BAALC: variants seen among roughly 807,000 people sequenced by gnomAD.
The protein encoded by BAALC is brain and acute leukemia cytoplasmic protein.
BAALC carries 9 observed loss-of-function variants against 15.5 expected under a neutral mutation model. The observed-to-expected ratio is 0.58, with a 90% CI of 0.35 to 1.02. The LOEUF is 1.02. BAALC is among the 50% of genes least tolerant of loss of function. BAALC has a pLI of 0.02. For synonymous variants in BAALC, 80 were observed against 74.6 expected, an observed-to-expected ratio of 1.07 and a Z score of -0.37; for missense variants, 201 against 192.4, an observed-to-expected ratio of 1.04 and a Z score of -0.27.
intron 1 of BAALC, among the ~76,000 whole-genome samples, chr8:103,195,854 T>TG: frequency 6.6e-6 from 1 of 152,304 alleles, no homozygotes; most frequent in East Asian, 1.9e-4. Context: ...AACCCAGGCA[T>TG]GGAGCTCCCA....
intron 1 of BAALC, among the ~76,000 whole-genome samples, chr8:103,188,558 G>C (rs1005287120): frequency 6.6e-6 from 1 of 152,166 alleles, no homozygotes; most frequent in Non-Finnish European, 1.5e-5. Context: ...AATAAGAAAG[G>C]GTTGATAATT....
chr8:103,227,898 A>G, intron 2 of BAALC, 91 bp from the exon 3 acceptor site: 1 of 849,884 alleles, frequency 1.2e-6, no homozygotes, highest in Non-Finnish European at 1.9e-6. Flanking sequence ...ACTATGGCAC[A>G]ATAAACCTCT....
chr8:103,160,240 C>A (rs1214252606), intron 1 of BAALC, among the ~76,000 whole-genome samples: 10 of 152,210 alleles, frequency 6.6e-5, no homozygotes, highest in African/African-American at 2.4e-4. Flanking sequence ...AGAGCAGGCC[C>A]AAGCATAGGG....
chr8:103,201,325 G>T (rs932948738), intron 1 of BAALC, among the ~76,000 whole-genome samples: 8 of 152,100 alleles, frequency 5.3e-5, no homozygotes, highest in Non-Finnish European at 1.2e-4. Context: ...TGCAACCCCT[G>T]GGACTTTGTT....
At chr8:103,224,596 CA>C (rs1158661509) in intron 2 of BAALC, among the ~76,000 whole-genome samples, 1 of 151,992 alleles carries the variant, frequency 6.6e-6, no homozygotes, top group African/African-American at 2.4e-5. Context: ...CAGCCGACTT[CA>C]GGGAGAGCAG....
intron 1 of BAALC, among the ~76,000 whole-genome samples, chr8:103,146,108 C>T (rs1810873589): frequency 6.6e-6 from 1 of 152,164 alleles, no homozygotes; most frequent in Admixed American, 6.5e-5. Flanking sequence ...TAAAAGTGGA[C>T]ACCGTTCAGG....
intron 1 of BAALC, among the ~76,000 whole-genome samples, chr8:103,144,578 G>A (rs1810842698): frequency 6.6e-6 from 1 of 152,140 alleles, no homozygotes; most frequent in African/African-American, 2.4e-5. Context: ...ACCCAACCTA[G>A]CTCAGTCATT....
intron 1 of BAALC, among the ~76,000 whole-genome samples, chr8:103,209,762 G>C (rs1172604151): frequency 6.6e-6 from 1 of 152,204 alleles, no homozygotes; most frequent in Non-Finnish European, 1.5e-5. Flanking sequence ...TTTGCACCCT[G>C]CTCAATCAGT....
At chr8:103,224,628 TGAC>T (rs1163381586) in intron 2 of BAALC, among the ~76,000 whole-genome samples, 1 of 151,976 alleles carries the variant, frequency 6.6e-6, no homozygotes, top group Non-Finnish European at 1.5e-5. Flanking sequence ...GTTTCTTATC[TGAC>T]CTAAAAGGGC....
chr8:103,169,546 A>T (rs1457690777), intron 1 of BAALC, among the ~76,000 whole-genome samples: 1 of 152,136 alleles, frequency 6.6e-6, no homozygotes, highest in Non-Finnish European at 1.5e-5. Context: ...TCTTCACTAT[A>T]GAGTATCTGG....
At chr8:103,227,959 T>G in intron 2 of BAALC, 30 bp from the exon 3 acceptor site, 1 of 1,483,070 alleles carries the variant, frequency 6.7e-7, no homozygotes, top group African/African-American at 1.4e-5. Context: ...CATTTCCTAG[T>G]AACTCAATTC....
At chr8:103,220,703 T>C (rs1309907961) in intron 2 of BAALC, among the ~76,000 whole-genome samples, 1 of 152,244 alleles carries the variant, frequency 6.6e-6, no homozygotes, top group Non-Finnish European at 1.5e-5. Flanking sequence ...CCTATGCTTC[T>C]ATATGCCTAG....
intron 1 of BAALC, among the ~76,000 whole-genome samples, chr8:103,193,991 T>A (rs1812034454): frequency 6.6e-6 from 1 of 152,172 alleles, no homozygotes; most frequent in Admixed American, 6.5e-5. Flanking sequence ...GATATGCCAA[T>A]GAAGAAAGAA....
chr8:103,198,739 A>G (rs934283299), intron 1 of BAALC, among the ~76,000 whole-genome samples: 2 of 151,614 alleles, frequency 1.3e-5, no homozygotes, highest in East Asian at 3.9e-4. Context: ...CCCTGTCTGT[A>G]TTAAAAATAC....
intron 1 of BAALC, chr8:103,156,974 A>G (rs1190231607): frequency 2.0e-5 from 3 of 152,348 alleles, no homozygotes; most frequent in Non-Finnish European, 4.4e-5. Context: ...CCCTTTAGCC[A>G]TATTTGTCTC....
chr8:103,178,727 T>C (rs1057453983), intron 1 of BAALC, among the ~76,000 whole-genome samples: 2 of 151,726 alleles, frequency 1.3e-5, no homozygotes, highest in Non-Finnish European at 1.5e-5. Context: ...TATGGTGGCG[T>C]GTGCCTGTAA....
intron 1 of BAALC, among the ~76,000 whole-genome samples, chr8:103,158,649 C>T (rs72671377): frequency 0.1 from 15,749 of 151,926 alleles, 1,405 homozygotes; most frequent in East Asian, 0.42. Context: ...GTCTACAGCA[C>T]GGATACATAG....
chr8:103,208,711 T>C (rs945264827), intron 1 of BAALC, among the ~76,000 whole-genome samples: 9 of 152,176 alleles, frequency 5.9e-5, no homozygotes, highest in Non-Finnish European at 1.0e-4. Context: ...CTGTAAATCA[T>C]ACTTGGCCCC....
intron 1 of BAALC, among the ~76,000 whole-genome samples, chr8:103,176,632 T>C (rs1199947561): frequency 6.6e-6 from 1 of 152,092 alleles, no homozygotes; most frequent in Non-Finnish European, 1.5e-5. Context: ...GCCAGGGGAA[T>C]TGTCTCTGTG....
Sources: gnomAD v4.1 joint callset for allele counts (sites outside exome capture counted in the v4.1 genomes callset) on GRCh38, gnomAD v4.1.1 for gene constraint, MANE v1.5 for transcripts, NCBI Gene and HGNC (gene_info 2026-07-23, HGNC 2026-07-21) for gene names.